The following TUBGCP3 variants were observed in gnomAD, a reference collection of about 807,000 sequenced individuals.
The protein encoded by TUBGCP3 is gamma-tubulin complex component 3.
In TUBGCP3, 50 loss-of-function variants were observed where a neutral mutation model predicts 123.1. That is an observed-to-expected ratio of 0.41 (90% CI 0.32 to 0.51). The LOEUF is 0.51. Among genes scored for constraint, TUBGCP3 ranks in the 20% least tolerant of loss-of-function variants. The pLI is 0.36. For synonymous variants in TUBGCP3, 405 were observed against 413.9 expected (o/e 0.98, Z 0.26); for missense variants, 882 against 1,127.0 (o/e 0.78, Z 3.11).
chr13:112,552,414 T>C (rs1005052001), intron 8 of TUBGCP3, among the ~76,000 whole-genome samples: 3 of 152,222 alleles, frequency 2.0e-5, no homozygotes, highest in East Asian at 1.9e-4. Flanking sequence ...CCACCAGTCC[T>C]ACCTGCCTCG....
At chr13:112,556,843 A>C (rs1880089478) in intron 5 of TUBGCP3, among the ~76,000 whole-genome samples, 1 of 152,212 alleles carries the variant, frequency 6.6e-6, no homozygotes, top group South Asian at 2.1e-4. Flanking sequence ...TTTTTGAAAA[A>C]TGTAAGAACC....
intron 13 of TUBGCP3, among the ~76,000 whole-genome samples, chr13:112,526,609 T>TCATCAC (rs1555339924): frequency 6.9e-6 from 1 of 144,248 alleles, no homozygotes; most frequent in Non-Finnish European, 1.5e-5. Flanking sequence ...ATCATCATCA[T>TCATCAC]CACCATCATC....
At chr13:112,578,829 C>T (rs1196264219) in intron 1 of TUBGCP3, among the ~76,000 whole-genome samples, 1 of 152,216 alleles carries the variant, frequency 6.6e-6, no homozygotes, top group Non-Finnish European at 1.5e-5. Context: ...TCGACTCCAC[C>T]AGACTTCGTC....
intron 1 of TUBGCP3, among the ~76,000 whole-genome samples, chr13:112,571,517 C>T (rs138898796): frequency 3.0e-4 from 45 of 152,286 alleles, no homozygotes; most frequent in African/African-American, 8.7e-4. Context: ...TAGCATAACT[C>T]CTAAGGGCCC....
At chr13:112,578,891 A>C (rs865884530) in intron 1 of TUBGCP3, among the ~76,000 whole-genome samples, 9 of 152,218 alleles carry the variant, frequency 5.9e-5, no homozygotes, top group African/African-American at 2.2e-4. Context: ...ATTAAATAGA[A>C]GAGTAAAACA....
At chr13:112,556,291 A>T (rs1880036913) in intron 5 of TUBGCP3, 67 bp from the exon 6 acceptor site, 1 of 1,489,462 alleles carries the variant, frequency 6.7e-7, no homozygotes, top group Non-Finnish European at 9.2e-7. Context: ...TGTCCCTAGA[A>T]ATTTCTCTTG....
intron 21 of TUBGCP3, among the ~76,000 whole-genome samples, chr13:112,489,274 G>A (rs1419335262): frequency 6.6e-6 from 1 of 151,992 alleles, no homozygotes; most frequent in Non-Finnish European, 1.5e-5. Flanking sequence ...GGAGCACAGG[G>A]GCCACGCCCA....
intron 11 of TUBGCP3, among the ~76,000 whole-genome samples, chr13:112,536,954 T>C (rs892648203): frequency 3.3e-5 from 5 of 151,942 alleles, no homozygotes; most frequent in Non-Finnish European, 2.9e-5. Flanking sequence ...TCTTAATCTT[T>C]TGTAGAGAGG....
In TUBGCP3 at chr13:112,535,008, T is replaced by C. The variant is rs562343490; in HGVS notation, c.1336-7524A>G. ...TTTCTATCTCTACGCATTTGCCAAT[T>C]CTGGACATTTCATACGAATGGAATC... On this transcript the variant is annotated intron_variant, in intron 11 of 21. Transcript: ENST00000261965. Among the ~76,000 whole-genome samples, 5 of 152,312 alleles carry C rather than the reference T, an allele frequency of 3.3e-5. No individual in the cohort carries two copies. In the South Asian group the frequency reaches 1.0e-3, roughly 32 times the overall value.
chr13:112,584,507 C>G (rs1882479331), intron 1 of TUBGCP3, among the ~76,000 whole-genome samples: 1 of 152,178 alleles, frequency 6.6e-6, no homozygotes, highest in African/African-American at 2.4e-5. Flanking sequence ...TCATCAAAAG[C>G]TCTTTACCAT....
intron 1 of TUBGCP3, among the ~76,000 whole-genome samples, chr13:112,583,480 C>G (rs1594237640): frequency 1.3e-5 from 2 of 152,286 alleles, no homozygotes; most frequent in South Asian, 4.1e-4. Context: ...GCTGGAATTG[C>G]GTTCAGTCCC....
rs1344481861 is a variant in TUBGCP3 at position 112,545,423 on chromosome 13, C to T, written c.1335+276G>A. On this transcript the variant is annotated intron_variant, in intron 11 of 21. Transcript: ENST00000261965. This position sits in a 1 kb window ranked among gnomAD's most constrained non-coding sequence, Gnocchi z 4.1. ...ACTCAGGAGGCCTCGTCCTGTTTTG[C>T]CATCCACGTGCTAGTAAACTCGGAC... 2 of 367,534 alleles carry T rather than the reference C, an allele frequency of 5.4e-6. No individual in the cohort carries two copies. Among genetic ancestry groups the T allele is most frequent in the Non-Finnish European group, 1.0e-5 (2 of 197,318 alleles). The allele number at this position is 367,534 out of a possible 1,614,324, so 22.8% of individuals were successfully genotyped here.
intron 8 of TUBGCP3, among the ~76,000 whole-genome samples, chr13:112,549,809 G>T (rs918271828): frequency 2.6e-5 from 4 of 151,720 alleles, no homozygotes; most frequent in African/African-American, 9.7e-5. Context: ...CTAACATGGT[G>T]AGACCCCTGT....
intron 11 of TUBGCP3, among the ~76,000 whole-genome samples, chr13:112,543,463 G>A (rs759054479): frequency 9.9e-5 from 15 of 152,096 alleles, no homozygotes; most frequent in Admixed American, 9.2e-4. Context: ...AACTTTTAAC[G>A]GAATTGACAG....
chr13:112,504,563 TAC>T, intron 18 of TUBGCP3, 61 bp downstream of exon 18: 6 of 1,069,770 alleles, frequency 5.6e-6, no homozygotes, highest in South Asian at 1.4e-5. Flanking sequence ...TATATATATA[TAC>T]CATGTAAAAG....
At chr13:112,588,168 A>C, upstream of TUBGCP3, 30 of 429,754 alleles carry the variant, frequency 7.0e-5, no homozygotes, top group East Asian at 1.5e-4. Context: ...GCTTCCCACA[A>C]TGCCCCGCTT....
intron 11 of TUBGCP3, among the ~76,000 whole-genome samples, chr13:112,530,775 G>A (rs919368080): frequency 1.3e-5 from 2 of 152,198 alleles, no homozygotes; most frequent in South Asian, 4.1e-4. Context: ...TGAACAAGTT[G>A]ACAATATACT....
chr13:112,517,191 A>AT (rs1320074645), intron 16 of TUBGCP3, among the ~76,000 whole-genome samples: 8 of 151,838 alleles, frequency 5.3e-5, no homozygotes, highest in Non-Finnish European at 7.4e-5. Context: ...TAATTTTTAT[A>AT]TTTTTTAGGA....
At chr13:112,503,485 T>A (rs1424866516) in intron 19 of TUBGCP3, among the ~76,000 whole-genome samples, 1 of 152,124 alleles carries the variant, frequency 6.6e-6, no homozygotes, top group Non-Finnish European at 1.5e-5. Flanking sequence ...TTCTCCTGTC[T>A]CTGCCTCCCA....
Sources: gnomAD v4.1 joint callset for allele counts (sites outside exome capture counted in the v4.1 genomes callset) on GRCh38, gnomAD v4.1.1 for gene constraint, Gnocchi (gnomAD v3.1) non-coding constraint, MANE v1.5 for transcripts, NCBI Gene and HGNC (gene_info 2026-07-23, HGNC 2026-07-21) for gene names.